Variants in SVIL observed in about 807,000 individuals in gnomAD.
The protein encoded by SVIL is archvillin.
Under a neutral mutation model 240.4 loss-of-function variants are expected in SVIL, and 101 were observed. The ratio of observed to expected loss-of-function variants is 0.42; its 90% confidence interval spans 0.36 to 0.50. SVIL has a LOEUF of 0.50. SVIL is among the 20% of genes least tolerant of loss of function. SVIL has a pLI of 0.01. For missense variants in SVIL, 2,512 were observed against 2,818.7 expected (o/e 0.89, Z 2.46); for synonymous variants, 999 against 1,100.0 (o/e 0.91, Z 1.82).
Position 29,632,404 on chromosome 10 carries a change from T to A in SVIL, c.-201+2016A>T, listed in dbSNP as rs193022929. Reference sequence around the variant, plus strand: ...TAGTAGGGAGGCTGAGGCAGGAGAATCACTTCAGCCCAAGAGGTGGAGGTT... The same window carrying A: ...TAGTAGGGAGGCTGAGGCAGGAGAAACACTTCAGCCCAAGAGGTGGAGGTT... On this transcript the variant is annotated intron_variant, in intron 1 of 37. Transcript: ENST00000355867. Among the ~76,000 whole-genome samples, 101 of 150,638 alleles carry A rather than the reference T, an allele frequency of 6.7e-4. No homozygotes were observed. In the South Asian group the frequency reaches 0.012, roughly 18 times the overall value.
intron 16 of SVIL, among the ~76,000 whole-genome samples, chr10:29,513,485 G>C (rs7476248): frequency 0.44 from 66,447 of 151,912 alleles, 15,196 homozygotes; most frequent in African/African-American, 0.55. Flanking sequence ...GCAGTGAGCC[G>C]AGATTGTGCC....
intron 17 of SVIL, among the ~76,000 whole-genome samples, chr10:29,502,688 G>GTGT (rs1564528620): frequency 3.3e-5 from 5 of 151,546 alleles, no homozygotes; most frequent in African/African-American, 1.2e-4. Flanking sequence ...TGTGTGTGTG[G>GTGT]GTGGGTGGGT....
At chr10:29,554,070 T>A (rs1230306309) in intron 5 of SVIL, among the ~76,000 whole-genome samples, 2 of 152,152 alleles carry the variant, frequency 1.3e-5, no homozygotes, top group Non-Finnish European at 2.9e-5. Context: ...GCGAGGGGAA[T>A]CATTTCATAC....
At chr10:29,675,561 C>T (rs1266267545) in intron 2 of SVIL, among the ~76,000 whole-genome samples, 3 of 152,164 alleles carry the variant, frequency 2.0e-5, no homozygotes, top group African/African-American at 7.2e-5. Context: ...CACACAGACC[C>T]CCAGAACCTC....
chr10:29,532,755 A>T lies in SVIL; in HGVS notation c.1612T>A (p.Ser538Thr). Residue 538 changes from serine to threonine, a missense_variant, in exon 8 of 38, where the codon TCG becomes ACG. Around this residue, in one of 3 missense-constraint regions of SVIL, gnomAD observed 1,443 missense variants for 1,486.6 expected, o/e 0.97. Coordinates refer to ENST00000355867, the MANE Select transcript of SVIL (RefSeq NM_021738.3). ...CGGGTACGGACCTTGCGCTTTTTCG[A>T]GGCTTCCCTGTTGTGACCAGTTGGT... ...AKPTGHNREA[S>T]KKRKVRTRSL... is the part of the protein sequence containing the mutation. 1.2e-6 allele frequency: 2 copies of T among 1,613,940 alleles called. No homozygotes were observed. Among genetic ancestry groups the T allele is most frequent in the Non-Finnish European group, 1.7e-6 (2 of 1,179,998 alleles).
rs12257034 is a variant in SVIL, at chr10:29,708,925, A to G, written c.-399-22274T>C. ...AAACCTGCCGAAAGAATTTTAAAAG[A>G]TGATTACACAATGAAAAGTTCAATA... On this transcript the variant is annotated intron_variant, in intron 1 of 35. Coordinates refer to the SVIL transcript ENST00000375400. Among the ~76,000 whole-genome samples the G allele has an allele frequency of 6.2e-3, 952 of 152,342 alleles. 8 individuals are homozygous for G. Among genetic ancestry groups the G allele is most frequent in the African/African-American group, 0.021 (891 of 41,576 alleles).
chr10:29,633,892 G>A (rs568020406), intron 1 of SVIL, among the ~76,000 whole-genome samples: 13 of 151,960 alleles, frequency 8.6e-5, no homozygotes, highest in Non-Finnish European at 1.8e-4. Context: ...CTGGAACATC[G>A]CAAGTTCTAG....
At chr10:29,613,172 CAAAA>C (rs549906216) in intron 1 of SVIL, among the ~76,000 whole-genome samples, 1 of 53,838 alleles carries the variant, frequency 1.9e-5, no homozygotes, top group Non-Finnish European at 3.6e-5. Context: ...GACTCCATCT[CAAAA>C]AAAAAAAAAA....
At position 29,555,127 on chromosome 10, in the gene SVIL, A is replaced by G. The variant is rs1228900600; in HGVS notation, c.-50-19T>C. The G allele has an allele frequency of 7.5e-6, 12 of 1,596,220 alleles. No homozygotes were observed. The highest frequency in any genetic ancestry group is 8.5e-6 in the Non-Finnish European group (10 of 1,172,356). ...TCTGCAACTGGAAGAAAACCAAAAA[A>G]GAACAAAATATAGTATTTAGTAGTC... is the stretch of plus-strand genomic sequence containing the variant. On this transcript the variant is annotated intron_variant, in intron 3 of 37. Transcript: ENST00000355867.
chr10:29,714,361 T>C (rs921616679), intron 1 of SVIL, among the ~76,000 whole-genome samples: 11 of 152,212 alleles, frequency 7.2e-5, no homozygotes, highest in African/African-American at 2.7e-4. Flanking sequence ...GATTTTATTA[T>C]TTTATTTAGA....
At chr10:29,646,012 A>G (rs1262398662) in intron 3 of SVIL, among the ~76,000 whole-genome samples, 2 of 152,212 alleles carry the variant, frequency 1.3e-5, no homozygotes, top group Non-Finnish European at 2.9e-5. Flanking sequence ...CCCTAGTGAC[A>G]TGGGCCCCCT....
At chr10:29,660,323 T>C (rs1029100093) in intron 2 of SVIL, among the ~76,000 whole-genome samples, 9 of 151,534 alleles carry the variant, frequency 5.9e-5, no homozygotes, top group Non-Finnish European at 1.2e-4. Context: ...AAAAAAAAAA[T>C]TAAAAAGGCA....
At chr10:29,678,421 C>A (rs1589498847) in intron 2 of SVIL, among the ~76,000 whole-genome samples, 1 of 152,090 alleles carries the variant, frequency 6.6e-6, no homozygotes, top group African/African-American at 2.4e-5. Context: ...TACTGCTGAT[C>A]CGACAGGAGG....
intron 30 of SVIL, 57 bp downstream of exon 30, chr10:29,473,781 C>G: frequency 6.2e-7 from 1 of 1,609,702 alleles, no homozygotes; most frequent in South Asian, 1.1e-5. Flanking sequence ...GTGCCATCGG[C>G]TCCCAGGAGA....
rs559462005 is a variant in SVIL at position 29,706,787 on chromosome 10, C to A, written c.-399-20136G>T. Among the ~76,000 whole-genome samples the A allele has an allele frequency of 3.9e-5, 6 of 152,278 alleles. No homozygotes were observed. The South Asian group carries it at 1.2e-3, about 32-fold the overall frequency. ...ATAGTTTTGGGTTTTATATTTAAGT[C>A]TTCAATCCATCATGAATTAATCTTT... is the stretch of plus-strand genomic sequence containing the variant. On this transcript the variant is annotated intron_variant, in intron 1 of 35. Transcript: ENST00000375400.
intron 3 of SVIL, among the ~76,000 whole-genome samples, chr10:29,560,712 G>A (rs1431542752): frequency 2.6e-5 from 4 of 151,916 alleles, no homozygotes; most frequent in African/African-American, 9.7e-5. Flanking sequence ...ATTGATACAT[G>A]TGTTAAATCA....
rs936158177 is a variant in SVIL at position 29,485,000 on chromosome 10, C to A, written c.4780-169G>T. Among the ~76,000 whole-genome samples the A allele has an allele frequency of 6.6e-6, 1 of 152,108 alleles. No homozygotes were observed. The highest frequency in any genetic ancestry group is 2.4e-5 in the African/African-American group (1 of 41,408). ...CCAGGAGATCTCAGCTGGCACTGCC[C>A]CACCGAGCCAGCCTCTGCCCTGCGG... On this transcript the variant is annotated intron_variant, in intron 26 of 37. Transcript: ENST00000355867. The surrounding 1 kb of genome is among the most constrained non-coding windows in gnomAD (Gnocchi z 4.7).
At chr10:29,526,539 G>A (rs929309735) in intron 13 of SVIL, among the ~76,000 whole-genome samples, 5 of 152,046 alleles carry the variant, frequency 3.3e-5, no homozygotes, top group Non-Finnish European at 5.9e-5. Flanking sequence ...TCCTGACCTC[G>A]TGATCCACCT....
At chr10:29,597,123 G>A (rs2132823183) in intron 1 of SVIL, among the ~76,000 whole-genome samples, 1 of 152,334 alleles carries the variant, frequency 6.6e-6, no homozygotes, top group Middle Eastern at 3.4e-3. Context: ...CATTAAAAGT[G>A]TTAACTGAAT....
Sources: gnomAD v4.1 joint callset for allele counts (sites outside exome capture counted in the v4.1 genomes callset) on GRCh38, gnomAD v4.1.1 for gene constraint, gnomAD v4.1.1 regional missense constraint, Gnocchi (gnomAD v3.1) non-coding constraint, MANE v1.5 for transcripts, NCBI Gene and HGNC (gene_info 2026-07-23, HGNC 2026-07-21) for gene names.